Variants in CDC42BPA observed in about 807,000 individuals in gnomAD.
CDC42BPA encodes the protein CDC42 binding protein kinase alpha, also known as serine/threonine-protein kinase MRCK alpha.
Under a neutral mutation model 223.5 loss-of-function variants are expected in CDC42BPA, and 80 were observed. The ratio of observed to expected loss-of-function variants is 0.36; its 90% CI spans 0.30 to 0.43. CDC42BPA has a LOEUF of 0.43. Among genes scored for constraint, CDC42BPA ranks in the 20% least tolerant of loss-of-function variants. CDC42BPA has a pLI of 1.00. For synonymous variants in CDC42BPA, 694 were observed against 718.6 expected (o/e 0.97, Z 0.55); for missense variants, 1,743 against 2,099.9 (o/e 0.83, Z 3.32).
intron 24 of CDC42BPA, among the ~76,000 whole-genome samples, chr1:227,038,935 T>C (rs1010905709): frequency 3.9e-5 from 6 of 152,176 alleles, no homozygotes; most frequent in African/African-American, 1.4e-4. Flanking sequence ...CAAACGATGA[T>C]AGCACCTGTT....
intron 8 of CDC42BPA, among the ~76,000 whole-genome samples, chr1:227,145,114 A>G (rs959434388): frequency 2.6e-5 from 4 of 152,190 alleles, no homozygotes; most frequent in African/African-American, 9.6e-5. Flanking sequence ...AGGCCCTGAC[A>G]TGGTTGATTT....
At chr1:227,068,802 G>T (rs1289917966) in intron 21 of CDC42BPA, 1 of 272,752 alleles carries the variant, frequency 3.7e-6, no homozygotes, top group African/African-American at 2.3e-5. Context: ...AAAGGCAAAT[G>T]ACATTAATTC....
intron 2 of CDC42BPA, among the ~76,000 whole-genome samples, chr1:227,252,906 GA>G: frequency 6.6e-6 from 1 of 152,000 alleles, no homozygotes; most frequent in East Asian, 1.9e-4. Flanking sequence ...CTACTACCAA[GA>G]AAACAATTAA....
intron 10 of CDC42BPA, among the ~76,000 whole-genome samples, chr1:227,131,633 T>C (rs188241912): frequency 6.6e-6 from 1 of 152,314 alleles, no homozygotes; most frequent in Non-Finnish European, 1.5e-5. Flanking sequence ...AGATGATATA[T>C]GAAGAACTGA....
rs894977100 is a variant in CDC42BPA at position 227,102,894 on chromosome 1, C to G, written c.2002-1655G>C. On this transcript the variant is annotated intron_variant, in intron 14 of 36. Transcript: ENST00000366766. ...CAAATGATAATCTCAGTATGTACCC[C>G]TACCCAATAGCATTTTATAAAATCC... Among the ~76,000 whole-genome samples, 4 of 152,030 alleles carry G rather than the reference C, an allele frequency of 2.6e-5. No homozygotes were observed. The South Asian group carries it at 6.2e-4, about 24-fold the overall frequency.
At chr1:227,200,696 G>A (rs1171516599) in intron 3 of CDC42BPA, among the ~76,000 whole-genome samples, 2 of 152,034 alleles carry the variant, frequency 1.3e-5, no homozygotes, top group Non-Finnish European at 2.9e-5. Context: ...GTACAAATGT[G>A]CAAGAGTTTC....
intron 28 of CDC42BPA, 30 bp downstream of exon 28, chr1:227,031,265 GATA>G (rs1248042982): frequency 8.5e-6 from 13 of 1,521,210 alleles, no homozygotes; most frequent in Non-Finnish European, 1.0e-5. Flanking sequence ...AGTAAACAAT[GATA>G]ATAATATGAT....
intron 35 of CDC42BPA, among the ~76,000 whole-genome samples, chr1:227,003,637 T>C (rs1470790135): frequency 6.6e-6 from 1 of 152,212 alleles, no homozygotes; most frequent in Non-Finnish European, 1.5e-5. Context: ...CATCTTTGTA[T>C]AATTTTATTC....
At chr1:227,030,520 A>G in intron 28 of CDC42BPA, 50 bp from the exon 29 acceptor site, 1 of 1,110,610 alleles carries the variant, frequency 9.0e-7, no homozygotes, top group Non-Finnish European at 1.3e-6. Context: ...AAAACCATGT[A>G]ATGCTAATAA....
At chr1:227,152,367 T>C (rs1661948403) in intron 6 of CDC42BPA, among the ~76,000 whole-genome samples, 1 of 152,224 alleles carries the variant, frequency 6.6e-6, no homozygotes, top group African/African-American at 2.4e-5. Flanking sequence ...TTTTTGTATT[T>C]AGGTCTTTGA....
At chr1:227,291,095 G>A (rs72632813) in intron 1 of CDC42BPA, among the ~76,000 whole-genome samples, 14,840 of 152,100 alleles carry the variant, frequency 0.098, 1,164 homozygotes, top group East Asian at 0.36. Flanking sequence ...CAGGAATAGA[G>A]AGGAGACCTA....
rs1434140691 is a variant in CDC42BPA, at chr1:227,168,503, T to TTTTTTTGTTTTTTTTTTG, written c.600-7868_600-7867insCAAAAAAAAAACAAAAAA. ...CATATTTATCTTCCCTGGTGTTTTT[T>TTTTTTTGTTTTTTTTTTG]TTTTTTTTTTGAGGCAGAGTCTCGC... is the stretch of plus-strand genomic sequence containing the variant. On this transcript the variant is annotated intron_variant, in intron 5 of 36. Transcript: ENST00000366766. Among the ~76,000 whole-genome samples, 22 of 129,764 alleles carry TTTTTTTGTTTTTTTTTTG rather than the reference T, an allele frequency of 1.7e-4. 2 individuals are homozygous for TTTTTTTGTTTTTTTTTTG. Among genetic ancestry groups the TTTTTTTGTTTTTTTTTTG allele is most frequent in the African/African-American group, 6.1e-4 (21 of 34,180 alleles). 85.1% of individuals were successfully genotyped at this position (129,764 alleles called of 152,430 possible). A position where few individuals can be genotyped will look rare whatever the true frequency, so the allele number is the denominator to read the frequency against.
intron 3 of CDC42BPA, among the ~76,000 whole-genome samples, chr1:227,209,170 T>C (rs1470671448): frequency 7.3e-6 from 1 of 136,138 alleles, no homozygotes; most frequent in Non-Finnish European, 1.6e-5. Context: ...CTGTTGTTGG[T>C]GTATAAGAAT....
At chr1:227,271,824 A>G (rs1513606) in intron 1 of CDC42BPA, among the ~76,000 whole-genome samples, 46,792 of 152,048 alleles carry the variant, frequency 0.31, 7,381 homozygotes, top group East Asian at 0.37. Context: ...ATCTTCCCAT[A>G]GCAACAATCT....
intron 1 of CDC42BPA, among the ~76,000 whole-genome samples, chr1:227,305,863 G>A (rs1040764920): frequency 5.3e-5 from 8 of 152,210 alleles, no homozygotes; most frequent in Non-Finnish European, 1.2e-4. Flanking sequence ...CTACTCGGGA[G>A]GCTGAGGCGG....
chr1:227,056,852 T>C (rs1410743605), intron 21 of CDC42BPA, among the ~76,000 whole-genome samples: 6 of 152,244 alleles, frequency 3.9e-5, no homozygotes, highest in Non-Finnish European at 5.9e-5. Flanking sequence ...AAAACAGTAT[T>C]ACAGAAGTAC....
chr1:227,256,940 T>TACACACAC (rs1160019576), intron 1 of CDC42BPA, among the ~76,000 whole-genome samples: 13 of 117,526 alleles, frequency 1.1e-4, no homozygotes, highest in African/African-American at 1.9e-4. Flanking sequence ...ATGTGATATA[T>TACACACAC]ATATACAGAC....
chr1:227,273,427 C>T (rs1199034815), intron 1 of CDC42BPA, among the ~76,000 whole-genome samples: 1 of 151,612 alleles, frequency 6.6e-6, no homozygotes, highest in East Asian at 1.9e-4. Context: ...ATTAGCCGGG[C>T]GTGGTGGCGC....
chr1:227,133,647 T>C (rs1379350354), intron 10 of CDC42BPA, among the ~76,000 whole-genome samples: 3 of 152,188 alleles, frequency 2.0e-5, no homozygotes, highest in Non-Finnish European at 4.4e-5. Context: ...TGGGATCCTA[T>C]TGATCTGTGA....
Sources: allele counts gnomAD v4.1 joint callset (sites outside exome capture counted in the v4.1 genomes callset), GRCh38; gene constraint gnomAD v4.1.1; transcripts MANE v1.5; gene names NCBI Gene and HGNC (gene_info 2026-07-23, HGNC 2026-07-21).